The following UBL5 variants were observed in gnomAD, a reference collection of about 807,000 sequenced individuals.
UBL5 encodes ubiquitin-like protein 5.
A neutral mutation model predicts 11.7 loss-of-function variants in UBL5; 13 were observed. The observed-to-expected ratio is 1.11, with a 90% CI of 0.73 to 1.77. The LOEUF is 1.77. Among genes scored for constraint, UBL5 ranks in the 40% most tolerant of loss-of-function variants. The pLI is 0.00. For synonymous variants in UBL5, 28 were observed against 34.7 expected (o/e 0.81, Z 0.68); for missense variants, 58 against 92.3 (o/e 0.63, Z 1.52).
intron 1 of UBL5, 147 bp downstream of exon 1, chr19:9,828,131 G>C (rs1338162030): frequency 3.3e-6 from 2 of 607,486 alleles, no homozygotes; most frequent in Non-Finnish European, 5.8e-6. Flanking sequence ...CGGCTCCCCG[G>C]GGTTCGCGGC....
intron 4 of UBL5, 86 bp downstream of exon 4, chr19:9,828,960 C>A (rs537655160): frequency 1.5e-6 from 2 of 1,322,362 alleles, no homozygotes; most frequent in Non-Finnish European, 2.2e-6. Context: ...TGAGCTTATG[C>A]ATATTAAGTG....
chr19:9,828,544 T>C, intron 2 of UBL5, 48 bp from the exon 3 acceptor site: 1 of 1,612,998 alleles, frequency 6.2e-7, no homozygotes, highest in Non-Finnish European at 8.5e-7. Flanking sequence ...TAGAATGTCC[T>C]CTTCCTCGTT....
Position 9,828,601 on chromosome 19 carries a change from T to C in UBL5, c.66T>C (p.Asp22=). 1 of 1,614,220 alleles carries C rather than the reference T, an allele frequency of 6.2e-7. No homozygotes were observed. The highest frequency in any genetic ancestry group is 8.5e-7 in the Non-Finnish European group (1 of 1,180,044). ...KKVRVKCNTD[D]TIGDLKKLIA... ...ACTGCTCTGCGCCCAGCACGGATGATACCATCGGGGACCTTAAGAAGCTGA... is the reference window on the plus strand; with the variant it reads ...ACTGCTCTGCGCCCAGCACGGATGACACCATCGGGGACCTTAAGAAGCTGA... Residue 22 remains aspartate, a synonymous_variant, in exon 3 of 5, where the codon GAT becomes GAC. Transcript: ENST00000586895.
intron 4 of UBL5, chr19:9,829,539 AGGCTGGAGTGCAGTGGTACAATCTT>A: frequency 6.4e-6 from 1 of 155,176 alleles, no homozygotes; most frequent in Admixed American, 6.5e-5. Context: ...CTTGTTGCCC[AGGCTGGAGTGCAGTGGTACAATCTT>A]GGCTCACTGC....
In UBL5 at chr19:9,828,398, C is replaced by T. The variant is rs756182234; in HGVS notation, c.56+5C>T. ...GAAGGTCCGCGTTAAATGCAAGTAT[C>T]CACTGGCAGCCGAGAGGCAGTGGTA... On this transcript the variant is annotated splice_donor_5th_base_variant and intron_variant, in intron 2 of 4. Coordinates refer to ENST00000586895, the MANE Select transcript of UBL5 (RefSeq NM_001048241.3). The T allele has an allele frequency of 7.5e-6, 12 of 1,604,848 alleles. No homozygotes were observed. Among genetic ancestry groups the T allele is most frequent in the Middle Eastern group, 1.7e-4 (1 of 6,012 alleles).
intron 1 of UBL5, 62 bp downstream of exon 1, chr19:9,828,046 G>C (rs1424081800): frequency 7.0e-5 from 37 of 531,196 alleles, no homozygotes; most frequent in South Asian, 4.5e-4. Flanking sequence ...AGCCACCCAG[G>C]GTCTGGGGTC....
chr19:9,828,133 G>T (rs1263977408), intron 1 of UBL5, 149 bp downstream of exon 1: 2 of 610,350 alleles, frequency 3.3e-6, no homozygotes, highest in East Asian at 5.6e-5. Flanking sequence ...GCTCCCCGGG[G>T]TTCGCGGCCC....
intron 4 of UBL5, 198 bp from the exon 5 acceptor site, chr19:9,829,767 G>A: frequency 1.7e-6 from 1 of 583,688 alleles, no homozygotes; most frequent in Admixed American, 3.1e-5. Context: ...AAAGTGCTGG[G>A]ATTACAGGTG....
chr19:9,828,436 C>T (rs2046036980), intron 2 of UBL5, 43 bp downstream of exon 2: 1 of 1,613,150 alleles, frequency 6.2e-7, no homozygotes, highest in East Asian at 2.2e-5. Flanking sequence ...CGCAGGGGTG[C>T]TTGGCGTGAG....
intron 4 of UBL5, 78 bp from the exon 5 acceptor site, chr19:9,829,887 C>T: frequency 1.3e-6 from 2 of 1,570,178 alleles, no homozygotes; most frequent in Non-Finnish European, 1.8e-6. Context: ...GACCTCAGGC[C>T]ACCTGACCCG....
intron 4 of UBL5, chr19:9,829,717 A>G: frequency 2.1e-6 from 1 of 470,486 alleles, no homozygotes; most frequent in Non-Finnish European, 3.8e-6. Flanking sequence ...GGCTGGTCTC[A>G]AACTCCTGAC....
intron 1 of UBL5, 45 bp downstream of exon 1, chr19:9,828,029 G>A (rs1421297538): frequency 2.0e-6 from 1 of 492,366 alleles, no homozygotes; most frequent in African/African-American, 1.9e-5. Context: ...GAAAGCTGTC[G>A]CGACCCAGCC....
Position 9,828,824 on chromosome 19 carries a change from C to T in UBL5, c.141-13C>T, listed in dbSNP as rs769858028. On this transcript the variant is annotated splice_polypyrimidine_tract_variant and intron_variant, in intron 3 of 4. Transcript: ENST00000586895. ...CTCCTTAGCCTTATCTCTGAAATGTCTCTTTTTCTTAGGTACACGATTTTT... is the reference window on the plus strand; with the variant it reads ...CTCCTTAGCCTTATCTCTGAAATGTTTCTTTTTCTTAGGTACACGATTTTT... 1.5e-5 allele frequency: 24 copies of T among 1,614,152 alleles called. No individual in the cohort carries two copies. The highest frequency in any genetic ancestry group is 4.5e-5 in the East Asian group (2 of 44,882).
Position 9,828,613 on chromosome 19 carries a change from C to T in UBL5, c.78C>T (p.Asp26=). The change falls in exon 3 of 5, where the codon GAC becomes GAT. Residue 26 remains aspartate (D), a synonymous_variant. Transcript: ENST00000586895. ...CCAGCACGGATGATACCATCGGGGA[C>T]CTTAAGAAGCTGATTGCAGCCCAAA... The part of the protein sequence containing the change: ...VKCNTDDTIG[D]LKKLIAAQTG... 6.2e-7 allele frequency: 1 copy of T among 1,614,176 alleles called. No individual in the cohort carries two copies. Among genetic ancestry groups the T allele is most frequent in the Non-Finnish European group, 8.5e-7 (1 of 1,180,042 alleles).
intron 4 of UBL5, 151 bp from the exon 5 acceptor site, chr19:9,829,814 G>C (rs2046045835): frequency 1.3e-6 from 1 of 786,414 alleles, no homozygotes; most frequent in Non-Finnish European, 2.1e-6. Context: ...CTTTTGTAAA[G>C]TTTTGGTTCT....
At chr19:9,828,771 A>G (rs2046039756) in intron 3 of UBL5, 66 bp from the exon 4 acceptor site, 1 of 1,609,450 alleles carries the variant, frequency 6.2e-7, no homozygotes, top group Admixed American at 1.7e-5. Context: ...AGGCTTGGCT[A>G]CCTCATTTGG....
chr19:9,829,053 G>GA (rs1342351737), intron 4 of UBL5, 179 bp downstream of exon 4: 3 of 641,298 alleles, frequency 4.7e-6, no homozygotes, highest in Non-Finnish European at 8.2e-6. Context: ...AGTGGTTGGT[G>GA]AAATAGTTTG....
chr19:9,827,948 G>A lies in UBL5; in HGVS notation c.-48G>A. ...CGACCGGGGTTCAGCGCTCGGGTGA[G>A]GAGCTGGTGGCGTCGGCAGGTTCGA... On this transcript the variant is annotated 5_prime_UTR_variant, in exon 1 of 5. Coordinates refer to ENST00000586895, the MANE Select transcript of UBL5 (RefSeq NM_001048241.3). 3.2e-6 allele frequency: 1 copy of A among 315,476 alleles called. No homozygotes were observed. The allele number at this position is 315,476 out of a possible 1,614,324, so 19.5% of individuals were successfully genotyped here. A position where few individuals can be genotyped will look rare whatever the true frequency, so the allele number is the denominator to read the frequency against.
Position 9,828,595 on chromosome 19 carries a change from GGAT to G in UBL5, c.64_66del (p.Asp22del). ...GCCTTAACTGCTCTGCGCCCAGCAC[GGAT>G]GATACCATCGGGGACCTTAAGAAGC... On this transcript the variant is annotated inframe_deletion, in exon 3 of 5. Coordinates refer to ENST00000586895, the MANE Select transcript of UBL5 (RefSeq NM_001048241.3). The G allele has an allele frequency of 6.2e-7, 1 of 1,614,178 alleles. No homozygotes were observed. The highest frequency in any genetic ancestry group is 8.5e-7 in the Non-Finnish European group (1 of 1,180,030).
Sources: gnomAD v4.1 joint callset for allele counts on GRCh38, gnomAD v4.1.1 for gene constraint, MANE v1.5 for transcripts, NCBI Gene and HGNC (gene_info 2026-07-23, HGNC 2026-07-21) for gene names.